The following NFIB variants were observed in gnomAD, a reference collection of about 807,000 sequenced individuals.
NFIB encodes the protein nuclear factor 1 B-type.
Under a neutral mutation model 61.5 loss-of-function variants are expected in NFIB, and 11 were observed. That is an observed-to-expected ratio of 0.18 (90% CI 0.11 to 0.30). NFIB has a LOEUF of 0.30. NFIB is among the 10% of genes least tolerant of loss of function. The probability of loss-of-function intolerance (pLI) is 1.00; values close to 1 mark genes in which losing one functional copy is unlikely to be tolerated. For synonymous variants in NFIB, 260 were observed against 216.5 expected, an observed-to-expected ratio of 1.20 and a Z score of -1.76; for missense variants, 471 against 608.9, an observed-to-expected ratio of 0.77 and a Z score of 2.38.
intron 2 of NFIB, chr9:14,204,684 T>A (rs2049437845): frequency 3.2e-6 from 2 of 627,706 alleles, no homozygotes; most frequent in South Asian, 3.6e-5. Flanking sequence ...ACCACCTTGG[T>A]GTAGAATAAG....
chr9:14,137,230 G>A (rs1199967574), intron 6 of NFIB, among the ~76,000 whole-genome samples: 3 of 152,168 alleles, frequency 2.0e-5, no homozygotes, highest in African/African-American at 7.2e-5. Context: ...ACAAGGTTCT[G>A]TTATAATAAC....
chr9:14,513,599 G>A, the NFIB span, among the ~76,000 whole-genome samples: 1 of 144,608 alleles, frequency 6.9e-6, no homozygotes, highest in Non-Finnish European at 1.5e-5. Context: ...TTGCACTCCA[G>A]CCTGGGTGAC....
At chr9:14,428,841 C>G in the NFIB span, among the ~76,000 whole-genome samples, 3,986 of 152,196 alleles carry the variant, frequency 0.026, 179 homozygotes, top group African/African-American at 0.091. Flanking sequence ...AAAACAGAGA[C>G]GTCTGGTAAG....
chr9:14,444,348 T>C, the NFIB span, among the ~76,000 whole-genome samples: 5 of 152,176 alleles, frequency 3.3e-5, no homozygotes, highest in African/African-American at 1.2e-4. Context: ...AAACCAGATA[T>C]AGAGTTTTAG....
chr9:14,209,129 T>C (rs898141014), intron 2 of NFIB, among the ~76,000 whole-genome samples: 2 of 152,204 alleles, frequency 1.3e-5, no homozygotes, highest in Non-Finnish European at 2.9e-5. Context: ...TTTTCATATA[T>C]AGTGGGAAAA....
chr9:14,176,520 AG>A (rs899194023), intron 3 of NFIB, among the ~76,000 whole-genome samples: 7 of 152,176 alleles, frequency 4.6e-5, no homozygotes, highest in African/African-American at 1.7e-4. Context: ...AATACCATAA[AG>A]GCTACTTAAA....
At chr9:14,249,526 T>C (rs1170557285) in intron 2 of NFIB, among the ~76,000 whole-genome samples, 2 of 152,196 alleles carry the variant, frequency 1.3e-5, no homozygotes, top group African/African-American at 4.8e-5. Context: ...TGCATTTTTG[T>C]GATCCTTTGA....
intron 1 of NFIB, among the ~76,000 whole-genome samples, chr9:14,382,658 G>A (rs2061502636): frequency 6.6e-6 from 1 of 152,088 alleles, no homozygotes; most frequent in Admixed American, 6.6e-5. Context: ...GGTTACGTGT[G>A]CAAGGAAGCT....
intron 2 of NFIB, among the ~76,000 whole-genome samples, chr9:14,246,720 A>C (rs2054971517): frequency 6.6e-6 from 1 of 152,208 alleles, no homozygotes; most frequent in Non-Finnish European, 1.5e-5. Context: ...TGCCACTGAC[A>C]GTGCTAACAG....
At chr9:14,171,315 A>G (rs1460471002) in intron 3 of NFIB, among the ~76,000 whole-genome samples, 1 of 152,154 alleles carries the variant, frequency 6.6e-6, no homozygotes, top group Non-Finnish European at 1.5e-5. Flanking sequence ...TATCCACCCT[A>G]CAACCTCTTG....
chr9:14,517,131 G>C, the NFIB span, among the ~76,000 whole-genome samples: 1 of 152,152 alleles, frequency 6.6e-6, no homozygotes, highest in East Asian at 1.9e-4. Flanking sequence ...GAGCCACTAG[G>C]GCAGGAGGAA....
intron 2 of NFIB, among the ~76,000 whole-genome samples, chr9:14,275,222 G>T (rs767564677): frequency 3.9e-5 from 6 of 152,152 alleles, no homozygotes; most frequent in Non-Finnish European, 7.3e-5. Context: ...GCTCCAAGGG[G>T]TTAACCTCTG....
At chr9:14,294,750 G>C (rs1313119848) in intron 2 of NFIB, among the ~76,000 whole-genome samples, 1 of 152,168 alleles carries the variant, frequency 6.6e-6, no homozygotes, top group Non-Finnish European at 1.5e-5. Context: ...GAACCCCTAG[G>C]TACGTGATAC....
intron 2 of NFIB, among the ~76,000 whole-genome samples, chr9:14,277,938 T>C (rs1053802443): frequency 3.9e-5 from 6 of 152,296 alleles, no homozygotes; most frequent in African/African-American, 1.2e-4. Flanking sequence ...AGTAGACTTC[T>C]ACATGGCAAA....
intron 1 of NFIB, among the ~76,000 whole-genome samples, chr9:14,343,800 C>G (rs1486865281): frequency 8.6e-6 from 1 of 115,780 alleles, no homozygotes; most frequent in African/African-American, 3.5e-5. Context: ...TGCCAAGAAG[C>G]AGAGAAAGGG....
chr9:14,315,435 T>A (rs1212900460), upstream of NFIB, among the ~76,000 whole-genome samples: 2 of 148,948 alleles, frequency 1.3e-5, no homozygotes, highest in East Asian at 2.0e-4. Flanking sequence ...GCAGCCCCGC[T>A]GGCTGGCTCC....
At chr9:14,346,294 C>T (rs918572996) in intron 1 of NFIB, among the ~76,000 whole-genome samples, 2 of 137,924 alleles carry the variant, frequency 1.5e-5, no homozygotes, top group Non-Finnish European at 3.3e-5. Flanking sequence ...ACCGACACCC[C>T]CCCCCCGTAA....
the NFIB span, among the ~76,000 whole-genome samples, chr9:14,502,673 G>C: frequency 6.6e-6 from 1 of 152,110 alleles, no homozygotes; most frequent in East Asian, 1.9e-4. Context: ...TGCTGGTAAG[G>C]AATCCCTATT....
At chr9:14,471,892 C>T in the NFIB span, among the ~76,000 whole-genome samples, 1 of 152,184 alleles carries the variant, frequency 6.6e-6, no homozygotes. Flanking sequence ...GATTGATCCA[C>T]CTGTGTTAGG....
Sources: allele counts gnomAD v4.1 joint callset (sites outside exome capture counted in the v4.1 genomes callset), GRCh38; gene constraint gnomAD v4.1.1; transcripts MANE v1.5; gene names NCBI Gene and HGNC (gene_info 2026-07-23, HGNC 2026-07-21).